Variants in CASK observed in about 807,000 individuals in gnomAD.
CASK encodes calcium/calmodulin dependent serine protein kinase, also known as peripheral plasma membrane protein CASK.
CASK carries 4 observed loss-of-function variants against 82.9 expected under a neutral mutation model. The observed-to-expected ratio is 0.05, with a 90% CI of 0.02 to 0.11. The LOEUF is 0.11. CASK is among the 10% of genes least tolerant of loss of function. CASK has a pLI of 1.00. For synonymous variants in CASK, 259 were observed against 253.5 expected, an observed-to-expected ratio of 1.02 and a Z score of -0.20; for missense variants, 358 against 720.9, an observed-to-expected ratio of 0.50 and a Z score of 5.76.
chrX:41,834,853 T>C (rs747029270), intron 2 of CASK, among the ~76,000 whole-genome samples: 3 of 112,578 alleles, frequency 2.7e-5, no homozygotes, highest in Non-Finnish European at 5.6e-5. Context: ...AGGTTATTCA[T>C]ATAGATGGGA....
intron 26 of CASK, among the ~76,000 whole-genome samples, chrX:41,521,695 TGA>T (rs1198896224): frequency 8.9e-6 from 1 of 112,255 alleles, no homozygotes; most frequent in Admixed American, 9.4e-5. Context: ...GGGAACTTTG[TGA>T]GTCAAATTAA....
intron 2 of CASK, among the ~76,000 whole-genome samples, chrX:41,826,346 G>A (rs1014019503): frequency 8.9e-6 from 1 of 112,170 alleles, no homozygotes; most frequent in Admixed American, 9.4e-5. Context: ...TTAATCAATG[G>A]TGTGTTATCA....
In CASK at chrX:41,695,724, G is replaced by A. The variant is rs1325343385; in HGVS notation, c.430-24194C>T. 5 of 1,204,690 alleles carry A rather than the reference G, an allele frequency of 4.2e-6. No homozygotes were observed. The South Asian group carries it at 5.3e-5, about 13-fold the overall frequency. ...AATGCGCTTTATAACCAATCATAGC[G>A]ACCAACCGCCACAAAACTTCTCAGC... is the stretch of plus-strand genomic sequence containing the variant. On this transcript the variant is annotated intron_variant, in intron 5 of 26. Transcript: ENST00000378163.
chrX:41,579,975 T>C (rs1330092163), intron 14 of CASK, among the ~76,000 whole-genome samples: 1 of 111,775 alleles, frequency 8.9e-6, no homozygotes, highest in Non-Finnish European at 1.9e-5. Flanking sequence ...TGGTCTAAAC[T>C]GGGATTTGGG....
At chrX:41,617,110 G>A (rs940382602) in intron 11 of CASK, among the ~76,000 whole-genome samples, 1 of 111,931 alleles carries the variant, frequency 8.9e-6, no homozygotes, top group East Asian at 2.8e-4. Flanking sequence ...TTGGGGAGCC[G>A]CAGAGAGGTG....
At chrX:41,656,501 G>A (rs1165309068) in intron 8 of CASK, among the ~76,000 whole-genome samples, 2 of 111,964 alleles carry the variant, frequency 1.8e-5, no homozygotes, top group Non-Finnish European at 3.8e-5. Flanking sequence ...AGAACACACG[G>A]TACAGCCCAT....
intron 1 of CASK, among the ~76,000 whole-genome samples, chrX:41,899,778 A>G (rs1481672707): frequency 8.9e-6 from 1 of 112,072 alleles, no homozygotes; most frequent in Admixed American, 9.5e-5. Flanking sequence ...CTTTTATAAT[A>G]GAATTAAGAG....
chrX:41,861,954 T>C (rs1254799398), intron 1 of CASK, among the ~76,000 whole-genome samples: 1 of 104,038 alleles, frequency 9.6e-6, no homozygotes, highest in Non-Finnish European at 1.9e-5. Context: ...TATGTATGTA[T>C]ACATATGTAT....
chrX:41,525,472 C>T (rs762481662), intron 25 of CASK, among the ~76,000 whole-genome samples: 1 of 110,128 alleles, frequency 9.1e-6, no homozygotes, highest in South Asian at 4.0e-4. Context: ...TACTGATGCT[C>T]TTTTCTTTGG....
At chrX:41,908,764 T>C (rs1453082020) in intron 1 of CASK, among the ~76,000 whole-genome samples, 1 of 112,210 alleles carries the variant, frequency 8.9e-6, no homozygotes, top group Non-Finnish European at 1.9e-5. Context: ...TTTTAGCTGT[T>C]CACAGTTCAG....
chrX:41,702,534 G>A (rs1308295784), intron 5 of CASK, among the ~76,000 whole-genome samples: 1 of 112,006 alleles, frequency 8.9e-6, no homozygotes, highest in Non-Finnish European at 1.9e-5. Context: ...GGTGGCTCAC[G>A]CCTGTAATTC....
chrX:41,578,564 T>C, intron 14 of CASK, 36 bp from the exon 15 acceptor site: 2 of 953,519 alleles, frequency 2.1e-6, no homozygotes, highest in Non-Finnish European at 3.0e-6. Context: ...ATTAATAACA[T>C]TACTATTTCA....
chrX:41,659,840 A>T (rs2067003747), intron 8 of CASK, among the ~76,000 whole-genome samples: 1 of 109,794 alleles, frequency 9.1e-6, no homozygotes, highest in Non-Finnish European at 1.9e-5. Context: ...TCTCTACAAA[A>T]AATACAAAAA....
At chrX:41,564,882 GTC>G (rs2147165320) in intron 16 of CASK, among the ~76,000 whole-genome samples, 1 of 111,960 alleles carries the variant, frequency 8.9e-6, no homozygotes, top group South Asian at 3.7e-4. Context: ...ACAACAAACT[GTC>G]TCTCAGACCA....
At chrX:41,659,320 C>T (rs910875489) in intron 8 of CASK, among the ~76,000 whole-genome samples, 4 of 109,667 alleles carry the variant, frequency 3.6e-5, no homozygotes, top group Non-Finnish European at 5.7e-5. Flanking sequence ...CTCTGCCTCC[C>T]GGGTTCAAGC....
chrX:41,922,603 G>A (rs941792060), intron 1 of CASK, among the ~76,000 whole-genome samples: 4 of 112,253 alleles, frequency 3.6e-5, no homozygotes, highest in Non-Finnish European at 7.5e-5. Context: ...GTACATGCAA[G>A]GTAACAATAA....
At chrX:41,573,902 C>T (rs2147189962) in intron 15 of CASK, among the ~76,000 whole-genome samples, 1 of 111,605 alleles carries the variant, frequency 9.0e-6, no homozygotes, top group South Asian at 3.8e-4. Flanking sequence ...CTAATTACTT[C>T]TCATTACAGA....
In CASK at chrX:41,555,613, G is replaced by A; in HGVS notation, c.1829C>T (p.Pro610Leu). The A allele has an allele frequency of 8.3e-7, 1 of 1,204,178 alleles. No individual in the cohort carries two copies. The highest frequency in any genetic ancestry group is 1.1e-6 in the Non-Finnish European group (1 of 888,865). The change falls in exon 20 of 27, where the codon CCA (proline) becomes CTA (leucine). Residue 610 changes from proline to leucine, a missense_variant. Around this residue, in one of 5 missense-constraint regions of CASK, gnomAD observed 41 missense variants for 39.4 expected, o/e 1.04. Transcript: ENST00000378163. ...SVSDLPSTTQ[P>L]KGRQIYVRAQ... ...ATATCTATTCACCTGTCGTCCTTTTGGTTGGGTAGTTGATGGCAAGTCCTG... is the reference window on the plus strand; with the variant it reads ...ATATCTATTCACCTGTCGTCCTTTTAGTTGGGTAGTTGATGGCAAGTCCTG...
chrX:41,693,676 C>T (rs751462971), intron 5 of CASK, among the ~76,000 whole-genome samples: 1 of 111,508 alleles, frequency 9.0e-6, no homozygotes, highest in Non-Finnish European at 1.9e-5. Context: ...AGAAACATGC[C>T]TATACCTTTC....
Sources: allele counts gnomAD v4.1 joint callset (sites outside exome capture counted in the v4.1 genomes callset), GRCh38; gene constraint gnomAD v4.1.1; regional missense constraint gnomAD v4.1.1; transcripts MANE v1.5; gene names NCBI Gene and HGNC (gene_info 2026-07-23, HGNC 2026-07-21).